KHDRBS1: variants seen among roughly 807,000 people sequenced by gnomAD.
KHDRBS1 encodes the protein KH domain-containing, RNA-binding, signal transduction-associated protein 1.
A neutral mutation model predicts 48.4 loss-of-function variants in KHDRBS1; 7 were observed. The observed-to-expected ratio is 0.14, with a 90% CI of 0.08 to 0.27. The LOEUF is 0.27. KHDRBS1 is among the 10% of genes least tolerant of loss of function. The pLI, the probability that KHDRBS1 is intolerant of heterozygous loss-of-function variation, is 1.00. For missense variants in KHDRBS1, 458 were observed against 601.2 expected, an observed-to-expected ratio of 0.76 and a Z score of 2.49; for synonymous variants, 241 against 235.8, an observed-to-expected ratio of 1.02 and a Z score of -0.20.
intron 1 of KHDRBS1, among the ~76,000 whole-genome samples, chr1:32,029,241 C>T (rs183947100): frequency 1.9e-4 from 29 of 152,324 alleles, no homozygotes; most frequent in Admixed American, 9.2e-4. Context: ...ATGGATATGT[C>T]TGTGCCCATG....
chr1:32,042,086 C>T (rs1428923079), intron 8 of KHDRBS1, among the ~76,000 whole-genome samples: 4 of 152,184 alleles, frequency 2.6e-5, no homozygotes, highest in African/African-American at 4.8e-5. Context: ...TGCCTGCTTC[C>T]AATCTGAAAG....
intron 1 of KHDRBS1, among the ~76,000 whole-genome samples, chr1:32,028,761 T>C (rs934654706): frequency 1.3e-5 from 2 of 151,528 alleles, no homozygotes; most frequent in Non-Finnish European, 2.9e-5. Flanking sequence ...TGCCTCAGCC[T>C]CCCAAAGTGC....
intron 10 of KHDRBS1, among the ~76,000 whole-genome samples, chr1:32,059,781 T>G (rs1639523988): frequency 6.6e-6 from 1 of 152,136 alleles, no homozygotes; most frequent in Admixed American, 6.5e-5. Context: ...CTTTAAAGAT[T>G]TTTGTTCATC....
chr1:32,020,753 CAG>C (rs1215270027), intron 1 of KHDRBS1, among the ~76,000 whole-genome samples: 29 of 151,706 alleles, frequency 1.9e-4, no homozygotes, highest in African/African-American at 6.8e-4. Flanking sequence ...CTTGAAGAAA[CAG>C]AATAGTGGAG....
chr1:32,049,732 G>C (rs1182826059), intron 10 of KHDRBS1, among the ~76,000 whole-genome samples: 1 of 151,346 alleles, frequency 6.6e-6, no homozygotes, highest in Admixed American at 6.6e-5. Flanking sequence ...CACGATCTCA[G>C]CTCACTGCAA....
chr1:32,027,007 C>G (rs1484113689), intron 1 of KHDRBS1, among the ~76,000 whole-genome samples: 2 of 152,202 alleles, frequency 1.3e-5, no homozygotes, highest in African/African-American at 4.8e-5. Context: ...GTTGACCAAG[C>G]TGGTCTCGAA....
intron 1 of KHDRBS1, among the ~76,000 whole-genome samples, chr1:32,015,837 G>A (rs921621953): frequency 1.3e-5 from 2 of 152,168 alleles, no homozygotes; most frequent in African/African-American, 4.8e-5. Context: ...CCCATTGTGC[G>A]GAAGTGAGAC....
chr1:32,059,428 G>A (rs1328419324), intron 10 of KHDRBS1, among the ~76,000 whole-genome samples: 4 of 151,784 alleles, frequency 2.6e-5, no homozygotes, highest in South Asian at 2.1e-4. Context: ...GTCTGTGATC[G>A]TATATGGAGG....
At chr1:32,024,317 A>T (rs1194705134) in intron 1 of KHDRBS1, among the ~76,000 whole-genome samples, 5 of 150,186 alleles carry the variant, frequency 3.3e-5, no homozygotes, top group Non-Finnish European at 5.9e-5. Context: ...TTTTTTATTA[A>T]TTTTTTTTTA....
intron 1 of KHDRBS1, among the ~76,000 whole-genome samples, chr1:32,025,931 T>TATATATATATATATATATATATATA (rs1557892025): frequency 8.3e-5 from 12 of 144,250 alleles, no homozygotes; most frequent in African/African-American, 3.2e-4. Context: ...ATATATATAT[T>TATATATATATATATATATATATATA]TATTTATTTA....
At chr1:32,017,528 T>G (rs1315054367) in intron 1 of KHDRBS1, among the ~76,000 whole-genome samples, 2 of 152,060 alleles carry the variant, frequency 1.3e-5, no homozygotes, top group Middle Eastern at 3.4e-3. Flanking sequence ...GAGAAATAAT[T>G]TACCTTATTG....
intron 8 of KHDRBS1, among the ~76,000 whole-genome samples, chr1:32,042,215 G>C (rs1165545923): frequency 6.6e-6 from 1 of 152,184 alleles, no homozygotes; most frequent in Non-Finnish European, 1.5e-5. Context: ...GCAAGGTGTT[G>C]GGTATCTCCA....
chr1:32,050,972 C>T (rs945159289), intron 10 of KHDRBS1, among the ~76,000 whole-genome samples: 4 of 152,216 alleles, frequency 2.6e-5, no homozygotes, highest in Non-Finnish European at 5.9e-5. Flanking sequence ...CTCATTGCAA[C>T]CTCTGCCTCC....
chr1:32,041,735 A>C (rs1639286730), intron 8 of KHDRBS1, among the ~76,000 whole-genome samples: 1 of 151,924 alleles, frequency 6.6e-6, no homozygotes, highest in Non-Finnish European at 1.5e-5. Context: ...GATTACAGGC[A>C]TGCGCCACCA....
chr1:32,021,790 A>G (rs2124361626), intron 1 of KHDRBS1, among the ~76,000 whole-genome samples: 1 of 151,574 alleles, frequency 6.6e-6, no homozygotes, highest in Middle Eastern at 3.4e-3. Context: ...CTAATTTTTG[A>G]CAGGCAGGCG....
At chr1:32,014,604 G>T (rs921283770) in intron 1 of KHDRBS1, among the ~76,000 whole-genome samples, 1 of 152,200 alleles carries the variant, frequency 6.6e-6, no homozygotes, top group Non-Finnish European at 1.5e-5. Flanking sequence ...CGATCCCCTA[G>T]CGCTAATGTC....
At chr1:32,048,717 C>T (rs1009216345), downstream of KHDRBS1, among the ~76,000 whole-genome samples, 3 of 152,242 alleles carry the variant, frequency 2.0e-5, no homozygotes, top group Non-Finnish European at 4.4e-5. Context: ...AGATATAATT[C>T]ACATACCATA....
chr1:32,054,076 A>G (rs1639452893), intron 10 of KHDRBS1, among the ~76,000 whole-genome samples: 1 of 152,086 alleles, frequency 6.6e-6, no homozygotes, highest in Non-Finnish European at 1.5e-5. Flanking sequence ...CTGCATCTCA[A>G]AAAAAAACAT....
At chr1:32,017,094 CCAAAAATA>C (rs1179001948) in intron 1 of KHDRBS1, among the ~76,000 whole-genome samples, 2 of 151,920 alleles carry the variant, frequency 1.3e-5, no homozygotes, top group Non-Finnish European at 2.9e-5. Context: ...CCCGTCTCTA[CCAAAAATA>C]CAAAAATTAG....
Sources: gnomAD v4.1 joint callset for allele counts (sites outside exome capture counted in the v4.1 genomes callset) on GRCh38, gnomAD v4.1.1 for gene constraint, MANE v1.5 for transcripts, NCBI Gene and HGNC (gene_info 2026-07-23, HGNC 2026-07-21) for gene names.